Variants in MESP1 observed in about 807,000 individuals in gnomAD.
MESP1 encodes mesoderm posterior bHLH transcription factor 1, also known as mesoderm posterior protein 1.
A neutral mutation model predicts 15.2 loss-of-function variants in MESP1; 22 were observed. That is an observed-to-expected ratio of 1.45 (90% CI 1.04 to 2.07). MESP1 has a LOEUF of 2.07. Ranked by LOEUF, MESP1 falls within the 30% of genes most tolerant of loss-of-function variation. The probability of loss-of-function intolerance (pLI) is 0.00; values close to 1 mark genes in which losing one functional copy is unlikely to be tolerated. For synonymous variants in MESP1, 216 were observed against 192.6 expected (o/e 1.12, Z -1.01); for missense variants, 484 against 411.9 (o/e 1.17, Z -1.51).
the MESP1 span, among the ~76,000 whole-genome samples, chr15:89,740,422 G>A: frequency 1.3e-5 from 2 of 152,160 alleles, no homozygotes; most frequent in South Asian, 2.1e-4. Context: ...AATGAAGAAG[G>A]CGATGGTTGA....
At chr15:89,735,639 T>A in the MESP1 span, 5 of 1,395,614 alleles carry the variant, frequency 3.6e-6, no homozygotes, top group Non-Finnish European at 5.1e-6. Context: ...AGAAAATGCT[T>A]ATTGAAGGCC....
the MESP1 span, among the ~76,000 whole-genome samples, chr15:89,741,941 C>T: frequency 5.3e-4 from 81 of 152,232 alleles, no homozygotes; most frequent in Middle Eastern, 3.4e-3. Context: ...TTAGTAGAGA[C>T]GGGGTTTCAC....
At chr15:89,741,477 C>G in the MESP1 span, among the ~76,000 whole-genome samples, 1 of 152,182 alleles carries the variant, frequency 6.6e-6, no homozygotes, top group African/African-American at 2.4e-5. Flanking sequence ...ACCCTCCCAC[C>G]TGGGCCTTAC....
Position 89,751,157 on chromosome 15 carries a change from C to A in MESP1, c.75G>T (p.Pro25=). ...LSAAWGPTRR[P]PPSDKDCGRS... The stretch of plus-strand genomic sequence containing the variant: ...GGCCGCAGTCCTTGTCGGAGGGCGG[C>A]GGCCGCCGAGTTGGGCCCCAGGCCG... Residue 25 remains proline (P), a synonymous_variant, in exon 1 of 2, where the codon CCG becomes CCT. Transcript: ENST00000300057. 1.6e-6 allele frequency: 2 copies of A among 1,264,636 alleles called. No individual in the cohort carries two copies. Among genetic ancestry groups the A allele is most frequent in the Non-Finnish European group, 9.9e-7 (1 of 1,008,016 alleles). The allele number at this position is 1,264,636 out of a possible 1,614,324, so 78.3% of individuals were successfully genotyped here.
the MESP1 span, chr15:89,735,427 G>A: frequency 3.1e-5 from 48 of 1,527,618 alleles, no homozygotes; most frequent in East Asian, 1.0e-3. Flanking sequence ...ATGCCTAGAA[G>A]AGGATATCAA....
chr15:89,745,335 G>C (rs1005662424), downstream of MESP1, among the ~76,000 whole-genome samples: 1 of 152,224 alleles, frequency 6.6e-6, no homozygotes, highest in African/African-American at 2.4e-5. The surrounding 1 kb of genome is among the most constrained non-coding windows in gnomAD (Gnocchi z 4.8). Flanking sequence ...CACGAGGCTA[G>C]TGCTCCCCAG....
chr15:89,746,012 C>T (rs1415535179), downstream of MESP1, among the ~76,000 whole-genome samples: 3 of 150,284 alleles, frequency 2.0e-5, no homozygotes, highest in Non-Finnish European at 3.0e-5. Context: ...TCCACACATA[C>T]ACACCTCCAC....
chr15:89,748,505 C>A (rs1176452902), downstream of MESP1, among the ~76,000 whole-genome samples: 3 of 152,162 alleles, frequency 2.0e-5, no homozygotes, highest in Admixed American at 2.0e-4. Flanking sequence ...ACAAACCGAG[C>A]GGCATCAGCG....
the MESP1 span, among the ~76,000 whole-genome samples, chr15:89,735,983 C>T: frequency 2.0e-4 from 31 of 152,256 alleles, no homozygotes; most frequent in South Asian, 2.1e-4. Flanking sequence ...CAGTATCTGC[C>T]ACATGAGATT....
chr15:89,737,845 C>A, the MESP1 span: 1 of 1,447,444 alleles, frequency 6.9e-7, no homozygotes, highest in Non-Finnish European at 9.4e-7. Flanking sequence ...CTACCATAGG[C>A]CAAAGGGTAC....
At position 89,750,604 on chromosome 15, in the gene MESP1, C is replaced by T. The variant is rs757554727; in HGVS notation, c.628G>A (p.Ala210Thr). 9 of 1,398,486 alleles carry T rather than the reference C, an allele frequency of 6.4e-6. No homozygotes were observed. The South Asian group carries it at 1.1e-4, about 17-fold the overall frequency. The allele number at this position is 1,398,486 out of a possible 1,614,324, so 86.6% of individuals were successfully genotyped here. Residue 210 changes from alanine (A) to threonine (T), a missense_variant, in exon 1 of 2, where the codon GCC becomes ACC. Physicochemically the swap from Ala to Thr is moderately conservative, Grantham distance 58. Transcript: ENST00000300057. The stretch of plus-strand genomic sequence containing the variant: ...TCGCGCGGCTCGGGTGCAGCTCGGG[C>T]TCCGGGGCAGGCAGGCGGGGATCCC... ...SWGSPPACPG[A>T]RAAPEPRDPP... is the part of the protein sequence containing the mutation.
the MESP1 span, among the ~76,000 whole-genome samples, chr15:89,736,865 C>T: frequency 6.6e-6 from 1 of 150,858 alleles, no homozygotes; most frequent in South Asian, 2.1e-4. Context: ...AATCTTGGCT[C>T]ACTGCAAGCT....
chr15:89,751,059 G>A lies in MESP1; in HGVS notation c.173C>T (p.Pro58Leu), dbSNP rs1306669169. ...GGCGCGGGGGTCCCGGAGGGTGCCT[G>A]GCCGCGCGGGGCTCGCCACGGGGCT... ...ADSPVASPAR[P>L]GTLRDPRAPS... The change falls in exon 1 of 2, where the codon CCA (proline) becomes CTA (leucine). Residue 58 changes from proline (P) to leucine (L), a missense_variant. Coordinates refer to ENST00000300057, the MANE Select transcript of MESP1 (RefSeq NM_018670.4). 7 of 1,273,800 alleles carry A rather than the reference G, an allele frequency of 5.5e-6. No homozygotes were observed. Among genetic ancestry groups the A allele is most frequent in the Admixed American group, 4.6e-5 (1 of 21,696 alleles). The allele number at this position is 1,273,800 out of a possible 1,614,324, so 78.9% of individuals were successfully genotyped here. A position where few individuals can be genotyped will look rare whatever the true frequency, so the allele number is the denominator to read the frequency against.
At chr15:89,735,691 TAGAAAG>T in the MESP1 span, 2 of 858,134 alleles carry the variant, frequency 2.3e-6, no homozygotes, top group Non-Finnish European at 3.7e-6. Context: ...GGTTTACAAA[TAGAAAG>T]AGAAAGAACC....
In MESP1 at chr15:89,750,983, C is replaced by T. The variant is rs1968084853; in HGVS notation, c.249G>A (p.Gln83=). The change falls in exon 1 of 2, where the codon CAG becomes CAA. Residue 83 remains glutamine (Q), a synonymous_variant. Coordinates refer to ENST00000300057, the MANE Select transcript of MESP1 (RefSeq NM_018670.4). Reference sequence around the variant, plus strand: ...TCTCCCGCTCACTGGCGCTCTGCCTCTGCCCGCTGCCCAGGCGGCTGCTGC... The same window carrying T: ...TCTCCCGCTCACTGGCGCTCTGCCTTTGCCCGCTGCCCAGGCGGCTGCTGC... The part of the protein sequence containing the change: ...GARSSRLGSG[Q]RQSASEREKL... 1 of 1,406,014 alleles carries T rather than the reference C, an allele frequency of 7.1e-7. No individual in the cohort carries two copies. The highest frequency in any genetic ancestry group is 9.2e-7 in the Non-Finnish European group (1 of 1,085,610). 87.1% of individuals were successfully genotyped at this position (1,406,014 alleles called of 1,614,324 possible). A position where few individuals can be genotyped will look rare whatever the true frequency, so the allele number is the denominator to read the frequency against.
the MESP1 span, among the ~76,000 whole-genome samples, chr15:89,739,428 T>C: frequency 3.3e-5 from 5 of 152,306 alleles, no homozygotes; most frequent in East Asian, 5.8e-4. Context: ...TAAACCGTTA[T>C]GTGTGTGTTT....
the MESP1 span, among the ~76,000 whole-genome samples, chr15:89,734,497 T>C: frequency 5.9e-5 from 9 of 152,178 alleles, no homozygotes; most frequent in Non-Finnish European, 1.0e-4. Flanking sequence ...ACAAATGCTT[T>C]TCAAGCTTCT....
At chr15:89,735,646 G>T in the MESP1 span, 3 of 1,328,816 alleles carry the variant, frequency 2.3e-6, no homozygotes, top group East Asian at 7.0e-5. Context: ...GCTTATTGAA[G>T]GCCTGTTATG....
chr15:89,740,817 G>A, the MESP1 span, among the ~76,000 whole-genome samples: 1 of 151,990 alleles, frequency 6.6e-6, no homozygotes, highest in Admixed American at 6.6e-5. Context: ...TTATTTAAAA[G>A]CTGCAAATGT....
Sources: allele counts gnomAD v4.1 joint callset (sites outside exome capture counted in the v4.1 genomes callset), GRCh38; gene constraint gnomAD v4.1.1; non-coding constraint Gnocchi (gnomAD v3.1); transcripts MANE v1.5; gene names NCBI Gene and HGNC (gene_info 2026-07-23, HGNC 2026-07-21).